Variants in GALNT13 observed in about 807,000 individuals in gnomAD.
The protein encoded by GALNT13 is polypeptide N-acetylgalactosaminyltransferase 13, also known as UDP-GalNAc:polypeptide N-acetylgalactosaminyltransferase 13.
A neutral mutation model predicts 64.2 loss-of-function variants in GALNT13; 28 were observed. The ratio of observed to expected loss-of-function variants is 0.44; its 90% CI spans 0.32 to 0.60. The LOEUF is 0.60. GALNT13 is among the 20% of genes least tolerant of loss of function. The probability of loss-of-function intolerance (pLI) is 0.05; values close to 1 mark genes in which losing one functional copy is unlikely to be tolerated. For synonymous variants in GALNT13, 214 were observed against 224.6 expected, an observed-to-expected ratio of 0.95 and a Z score of 0.42; for missense variants, 577 against 669.8, an observed-to-expected ratio of 0.86 and a Z score of 1.53.
chr2:153,766,998 C>G, the GALNT13 span, among the ~76,000 whole-genome samples: 1 of 151,934 alleles, frequency 6.6e-6, no homozygotes, highest in Non-Finnish European at 1.5e-5. Context: ...TACTTTTTTA[C>G]ATAGGTATAT....
At chr2:154,172,913 A>T (rs1685442274) in intron 4 of GALNT13, among the ~76,000 whole-genome samples, 1 of 152,100 alleles carries the variant, frequency 6.6e-6, no homozygotes, top group Admixed American at 6.6e-5. Flanking sequence ...CAATTTATGG[A>T]TTCACTGCAA....
chr2:154,180,202 G>A (rs1685877167), intron 4 of GALNT13, among the ~76,000 whole-genome samples: 1 of 151,976 alleles, frequency 6.6e-6, no homozygotes, highest in Non-Finnish European at 1.5e-5. Context: ...AGTTTTTTGT[G>A]CTTTTTATTC....
chr2:153,218,256 G>T, the GALNT13 span, among the ~76,000 whole-genome samples: 1 of 152,032 alleles, frequency 6.6e-6, no homozygotes, highest in African/African-American at 2.4e-5. Flanking sequence ...CTTCCTGTTG[G>T]TGTGAATGTG....
the GALNT13 span, among the ~76,000 whole-genome samples, chr2:153,272,224 AC>A: frequency 1.3e-5 from 2 of 152,158 alleles, no homozygotes; most frequent in Admixed American, 6.5e-5. Context: ...TGACTAAAAC[AC>A]TAAAAGCAAC....
At position 154,042,985 on chromosome 2, in the gene GALNT13, G is replaced by A. The variant is rs1699067944; in HGVS notation, c.143-97352G>A. 1.3e-5 allele frequency among the ~76,000 whole-genome samples: 2 copies of A among 152,068 alleles called. 1 individual carries two copies. Among genetic ancestry groups the A allele is most frequent in the South Asian group, 4.1e-4 (2 of 4,826 alleles). On this transcript the variant is annotated intron_variant, in intron 3 of 12. Transcript: ENST00000392825. ...GCATATGACTATGTTGAAGAATAAGGTATTTCCCTAATATGGGAGATTAGA... is the reference window on the plus strand; with the variant it reads ...GCATATGACTATGTTGAAGAATAAGATATTTCCCTAATATGGGAGATTAGA...
At chr2:154,288,060 A>G (rs1692377444) in intron 8 of GALNT13, among the ~76,000 whole-genome samples, 1 of 152,158 alleles carries the variant, frequency 6.6e-6, no homozygotes, top group Non-Finnish European at 1.5e-5. Flanking sequence ...TTTATAAAGG[A>G]AAGAGATTTA....
intron 4 of GALNT13, among the ~76,000 whole-genome samples, chr2:154,151,787 A>C (rs1173823815): frequency 6.6e-6 from 1 of 152,036 alleles, no homozygotes; most frequent in Non-Finnish European, 1.5e-5. Context: ...TGCTTGGTAG[A>C]TCTTCCTCCA....
At chr2:153,420,875 G>T in the GALNT13 span, 1 of 246,562 alleles carries the variant, frequency 4.1e-6, no homozygotes. Flanking sequence ...TGGCTATGGT[G>T]TTGCTCAGCA....
At chr2:153,695,741 G>A in the GALNT13 span, among the ~76,000 whole-genome samples, 10 of 152,020 alleles carry the variant, frequency 6.6e-5, no homozygotes, top group Non-Finnish European at 1.2e-4. Context: ...TAAATTGGAA[G>A]GAATAAACAT....
At chr2:154,322,777 A>G (rs893155786) in intron 9 of GALNT13, among the ~76,000 whole-genome samples, 1 of 152,074 alleles carries the variant, frequency 6.6e-6, no homozygotes, top group African/African-American at 2.4e-5. Context: ...TAAGGAGCTT[A>G]GGCTGGACTC....
At chr2:153,502,478 C>A in the GALNT13 span, among the ~76,000 whole-genome samples, 1 of 151,850 alleles carries the variant, frequency 6.6e-6, no homozygotes, top group Non-Finnish European at 1.5e-5. Context: ...TTTTCTTTAT[C>A]CACTCATTGA....
At chr2:153,710,416 C>T in the GALNT13 span, among the ~76,000 whole-genome samples, 88 of 152,104 alleles carry the variant, frequency 5.8e-4, no homozygotes, top group African/African-American at 1.7e-3. Flanking sequence ...AATAATATCT[C>T]GATACTATTA....
chr2:153,454,809 G>A, the GALNT13 span, among the ~76,000 whole-genome samples: 12 of 152,162 alleles, frequency 7.9e-5, no homozygotes, highest in East Asian at 1.9e-4. Flanking sequence ...GGCACACAGC[G>A]TACTCACACC....
At chr2:153,181,860 ATATAAG>A in the GALNT13 span, among the ~76,000 whole-genome samples, 7 of 146,678 alleles carry the variant, frequency 4.8e-5, no homozygotes, top group Non-Finnish European at 7.5e-5. Flanking sequence ...TAAGTATATT[ATATAAG>A]TATATTTATA....
intron 3 of GALNT13, among the ~76,000 whole-genome samples, chr2:154,096,877 G>A (rs768750818): frequency 6.6e-6 from 1 of 151,958 alleles, no homozygotes; most frequent in Non-Finnish European, 1.5e-5. Context: ...TATTAAGAGG[G>A]CAAAATTGCC....
In GALNT13 at chr2:154,375,437, A is replaced by G. The variant is rs534701788; in HGVS notation, c.1157-20554A>G. On this transcript the variant is annotated intron_variant, in intron 9 of 12. Transcript: ENST00000392825. ...AACCCTGGGCTACTTTCCTTTGCTC[A>G]TTCCAGGAGGATCTAATTTAGAGTG... 1.3e-3 allele frequency among the ~76,000 whole-genome samples: 194 copies of G among 152,314 alleles called. 1 individual carries two copies. The highest frequency in any genetic ancestry group is 4.1e-3 in the African/African-American group (170 of 41,568).
chr2:153,592,999 G>A, the GALNT13 span: 2 of 152,420 alleles, frequency 1.3e-5, no homozygotes, highest in Non-Finnish European at 2.9e-5. Context: ...GAAGCCAGAG[G>A]AGCAGGGGAT....
At chr2:153,577,282 A>G in the GALNT13 span, among the ~76,000 whole-genome samples, 1 of 152,130 alleles carries the variant, frequency 6.6e-6, no homozygotes, top group East Asian at 1.9e-4. Flanking sequence ...CAATTTTTAA[A>G]ACAGTTTGCT....
intron 9 of GALNT13, among the ~76,000 whole-genome samples, chr2:154,318,263 C>CTGCAAACA (rs1342290412): frequency 6.6e-6 from 1 of 152,130 alleles, no homozygotes; most frequent in Non-Finnish European, 1.5e-5. Context: ...CTCAAAGTAT[C>CTGCAAACA]TGCAAACATT....
Sources: allele counts gnomAD v4.1 joint callset (sites outside exome capture counted in the v4.1 genomes callset), GRCh38; gene constraint gnomAD v4.1.1; transcripts MANE v1.5; gene names NCBI Gene and HGNC (gene_info 2026-07-23, HGNC 2026-07-21).